SNX25: variants seen among roughly 807,000 people sequenced by gnomAD.
SNX25 encodes the protein sorting nexin 25, also known as sorting nexin-25.
SNX25 carries 62 observed loss-of-function variants against 113.7 expected under a neutral mutation model. The observed-to-expected ratio is 0.55, with a 90% CI of 0.44 to 0.67. The LOEUF is 0.67. Among genes scored for constraint, SNX25 ranks in the 30% least tolerant of loss-of-function variants. The pLI is 0.00. For missense variants in SNX25, 1,014 were observed against 1,161.0 expected, an observed-to-expected ratio of 0.87 and a Z score of 1.84; for synonymous variants, 421 against 436.2, an observed-to-expected ratio of 0.97 and a Z score of 0.43.
chr4:185,249,124 A>G (rs1466554709), intron 2 of SNX25, among the ~76,000 whole-genome samples: 1 of 152,208 alleles, frequency 6.6e-6, no homozygotes, highest in Non-Finnish European at 1.5e-5. Flanking sequence ...ATCAACAGAT[A>G]TTTCAGTGGA....
intron 6 of SNX25, among the ~76,000 whole-genome samples, chr4:185,301,690 G>A (rs1039854729): frequency 6.6e-6 from 1 of 152,022 alleles, no homozygotes; most frequent in Non-Finnish European, 1.5e-5. Flanking sequence ...GGGTTCAAGC[G>A]ATTCTTGTGC....
intron 3 of SNX25, among the ~76,000 whole-genome samples, chr4:185,259,916 C>T (rs761766713): frequency 1.3e-5 from 2 of 152,104 alleles, no homozygotes; most frequent in Non-Finnish European, 2.9e-5. Flanking sequence ...TCTCCATTCC[C>T]AGCTGTATTG....
chr4:185,336,806 C>T (rs1246052416), intron 10 of SNX25, among the ~76,000 whole-genome samples: 1 of 152,210 alleles, frequency 6.6e-6, no homozygotes, highest in African/African-American at 2.4e-5. Context: ...CTTTTTACCA[C>T]ATCTACTCCT....
chr4:185,362,162 A>C, intron 17 of SNX25, 57 bp downstream of exon 17: 1 of 1,487,862 alleles, frequency 6.7e-7, no homozygotes, highest in Non-Finnish European at 9.0e-7. Flanking sequence ...TGTGAACCCC[A>C]CTGAGGTGAT....
At chr4:185,243,314 TA>T (rs1744346515) in intron 1 of SNX25, among the ~76,000 whole-genome samples, 1 of 152,192 alleles carries the variant, frequency 6.6e-6, no homozygotes, top group Admixed American at 6.5e-5. Context: ...TTTCATCTTG[TA>T]AAGCTGAAAC....
chr4:185,220,558 T>C (rs1739641391), intron 1 of SNX25, among the ~76,000 whole-genome samples: 1 of 146,846 alleles, frequency 6.8e-6, no homozygotes, highest in Non-Finnish European at 1.5e-5. Flanking sequence ...CGCGGCTTAC[T>C]ACAACCTCTG....
chr4:185,219,374 A>G (rs534580718), intron 1 of SNX25, among the ~76,000 whole-genome samples: 136 of 152,256 alleles, frequency 8.9e-4, no homozygotes, highest in Non-Finnish European at 1.7e-3. Context: ...CCTGACTAAC[A>G]TGGTGAAACC....
At chr4:185,216,166 C>T (rs1738775168) in intron 1 of SNX25, among the ~76,000 whole-genome samples, 2 of 152,198 alleles carry the variant, frequency 1.3e-5, no homozygotes, top group Non-Finnish European at 2.9e-5. Flanking sequence ...AAAAAGTGTA[C>T]AGAAAGGTAT....
rs1456810194 is a variant in SNX25 at position 185,357,731 on chromosome 4, T to C, written c.2645T>C (p.Ile882Thr). The C allele has an allele frequency of 6.2e-7, 1 of 1,613,560 alleles. No individual in the cohort carries two copies. The highest frequency in any genetic ancestry group is 8.5e-7 in the Non-Finnish European group (1 of 1,179,510). The change falls in exon 16 of 19, where the codon ATC becomes ACC. Residue 882 changes from isoleucine to threonine, a missense_variant. Ile to Thr is a moderately conservative substitution (Grantham distance 89). Transcript: ENST00000652585. The part of the protein sequence containing the change: ...ALVQVTFGRT[I>T]NKQIRDTVSW... ...GTTCAGGTCACTTTTGGAAGAACCATCAACAAGTGAGTTGTATGAAATTAA... is the reference window on the plus strand; with the variant it reads ...GTTCAGGTCACTTTTGGAAGAACCACCAACAAGTGAGTTGTATGAAATTAA...
intron 5 of SNX25, among the ~76,000 whole-genome samples, chr4:185,275,114 G>A (rs1749481038): frequency 6.6e-6 from 1 of 152,184 alleles, no homozygotes; most frequent in Admixed American, 6.5e-5. Context: ...GTGATAGACT[G>A]CCAGAGAGGC....
At chr4:185,254,753 T>C (rs1746165114) in intron 2 of SNX25, among the ~76,000 whole-genome samples, 2 of 152,200 alleles carry the variant, frequency 1.3e-5, no homozygotes, top group Non-Finnish European at 2.9e-5. Context: ...TGGCCTCCTT[T>C]TTACCTACTC....
chr4:185,352,497 T>C (rs2095320770), intron 14 of SNX25, among the ~76,000 whole-genome samples: 1 of 152,146 alleles, frequency 6.6e-6, no homozygotes, highest in South Asian at 2.1e-4. Context: ...CCCACCTCTT[T>C]CCTTCATGTG....
At chr4:185,362,830 C>A in intron 18 of SNX25, 119 bp downstream of exon 18, 3 of 604,822 alleles carry the variant, frequency 5.0e-6, no homozygotes, top group Non-Finnish European at 5.6e-6. Context: ...CTAGTCATCT[C>A]CCTTGACTTT....
downstream of SNX25, chr4:185,373,207 G>A: frequency 1.2e-6 from 1 of 866,614 alleles, no homozygotes; most frequent in Non-Finnish European, 1.8e-6. Flanking sequence ...AAGAGCGGTA[G>A]GCCTTTGGAC....
the SNX25 span, chr4:185,378,401 C>G: frequency 7.3e-7 from 1 of 1,366,948 alleles, no homozygotes; most frequent in South Asian, 1.7e-5. Flanking sequence ...AGCTGAGAGA[C>G]AGCCATTCTC....
chr4:185,214,451 C>T (rs1490751230), intron 1 of SNX25, among the ~76,000 whole-genome samples: 1 of 150,884 alleles, frequency 6.6e-6, no homozygotes, highest in East Asian at 1.9e-4. Flanking sequence ...TGCACATCTG[C>T]AGTCCCAGCT....
At chr4:185,329,305 G>A (rs1444691581) in intron 9 of SNX25, among the ~76,000 whole-genome samples, 1 of 152,168 alleles carries the variant, frequency 6.6e-6, no homozygotes, top group African/African-American at 2.4e-5. Context: ...ATTTGGTTAG[G>A]TTGTGAAGGA....
intron 13 of SNX25, among the ~76,000 whole-genome samples, chr4:185,349,545 TC>T (rs1490825303): frequency 2.0e-5 from 3 of 152,214 alleles, no homozygotes; most frequent in Non-Finnish European, 2.9e-5. Flanking sequence ...GTACAAGGGT[TC>T]CCTTTTCTTT....
At chr4:185,245,732 C>T (rs1274494419) in intron 1 of SNX25, among the ~76,000 whole-genome samples, 2 of 152,148 alleles carry the variant, frequency 1.3e-5, no homozygotes, top group Non-Finnish European at 2.9e-5. Context: ...CTAGAGGAAA[C>T]CACTTTTAAA....
Sources: gnomAD v4.1 joint callset for allele counts (sites outside exome capture counted in the v4.1 genomes callset) on GRCh38, gnomAD v4.1.1 for gene constraint, MANE v1.5 for transcripts, NCBI Gene and HGNC (gene_info 2026-07-23, HGNC 2026-07-21) for gene names.